Variants in ABTB3 observed in about 807,000 individuals in gnomAD.
The protein encoded by ABTB3 is ankyrin repeat and BTB domain containing 3.
the ABTB3 span, among the ~76,000 whole-genome samples, chr12:107,503,756 C>CTAAAAAAAA: frequency 1.4e-5 from 1 of 70,768 alleles, no homozygotes; most frequent in African/African-American, 6.9e-5. Context: ...GACCCTATCT[C>CTAAAAAAAA]AAAAAAAAAA....
chr12:107,515,844 T>A, the ABTB3 span, among the ~76,000 whole-genome samples: 2 of 152,158 alleles, frequency 1.3e-5, no homozygotes, highest in Non-Finnish European at 2.9e-5. Flanking sequence ...TAGCCCACAG[T>A]GTTTTCAGAC....
chr12:107,646,951 G>C, the ABTB3 span, among the ~76,000 whole-genome samples: 2 of 152,130 alleles, frequency 1.3e-5, no homozygotes, highest in Non-Finnish European at 1.5e-5. Flanking sequence ...CCTAGCAGAG[G>C]GAACAGTGTG....
the ABTB3 span, among the ~76,000 whole-genome samples, chr12:107,628,044 A>G: frequency 1.3e-5 from 2 of 151,962 alleles, no homozygotes; most frequent in African/African-American, 4.8e-5. Context: ...CCGGTAGCCC[A>G]CCCTCCACCT....
At chr12:107,533,969 GAACT>G in the ABTB3 span, among the ~76,000 whole-genome samples, 42 of 152,254 alleles carry the variant, frequency 2.8e-4, no homozygotes, top group South Asian at 2.5e-3. Flanking sequence ...CAATAACGAG[GAACT>G]TTGGAAATAC....
At chr12:107,602,502 G>T in the ABTB3 span, among the ~76,000 whole-genome samples, 1 of 152,158 alleles carries the variant, frequency 6.6e-6, no homozygotes, top group African/African-American at 2.4e-5. Context: ...TCTGCTAAGC[G>T]CTATACACGA....
the ABTB3 span, among the ~76,000 whole-genome samples, chr12:107,524,144 G>A: frequency 6.6e-6 from 1 of 152,242 alleles, no homozygotes; most frequent in African/African-American, 2.4e-5. Context: ...CTCATTGAAT[G>A]TTGACTTTTG....
At chr12:107,494,376 T>C in the ABTB3 span, among the ~76,000 whole-genome samples, 1 of 151,960 alleles carries the variant, frequency 6.6e-6, no homozygotes, top group Non-Finnish European at 1.5e-5. Context: ...CTGGGCTGAG[T>C]CTGCTGGTCA....
chr12:107,619,303 G>A, the ABTB3 span, among the ~76,000 whole-genome samples: 2 of 152,206 alleles, frequency 1.3e-5, no homozygotes, highest in African/African-American at 2.4e-5. Context: ...CATGAGAGGC[G>A]AGAGGCAAAT....
the ABTB3 span, among the ~76,000 whole-genome samples, chr12:107,606,401 G>A: frequency 6.6e-6 from 1 of 152,044 alleles, no homozygotes. Flanking sequence ...CAAGTACCTC[G>A]ATAGCTGGTA....
chr12:107,427,391 C>G, the ABTB3 span, among the ~76,000 whole-genome samples: 3 of 152,116 alleles, frequency 2.0e-5, no homozygotes, highest in Non-Finnish European at 4.4e-5. Context: ...AAACCACCCT[C>G]CCGCCTCAAC....
chr12:107,469,944 CTTTCTTTCTTTCTTT>C, the ABTB3 span, among the ~76,000 whole-genome samples: 1 of 35,602 alleles, frequency 2.8e-5, no homozygotes, highest in Non-Finnish European at 5.5e-5. Flanking sequence ...CTTTCTTTCT[CTTTCTTTCTTTCTTT>C]CTTTCTTTCT....
chr12:107,553,052 G>T, the ABTB3 span, among the ~76,000 whole-genome samples: 1 of 152,282 alleles, frequency 6.6e-6, no homozygotes, highest in South Asian at 2.1e-4. Context: ...TGACCTCAAG[G>T]CTTCAGTTTC....
the ABTB3 span, among the ~76,000 whole-genome samples, chr12:107,455,188 G>A: frequency 6.6e-6 from 1 of 152,256 alleles, no homozygotes; most frequent in African/African-American, 2.4e-5. Flanking sequence ...TTTGAATCCC[G>A]TCTCTCTGAT....
chr12:107,485,351 C>A, the ABTB3 span, among the ~76,000 whole-genome samples: 1 of 152,190 alleles, frequency 6.6e-6, no homozygotes. Context: ...CACCTCAGGA[C>A]CCCTATCCTT....
At chr12:107,469,930 C>CTT in the ABTB3 span, among the ~76,000 whole-genome samples, 1 of 99,754 alleles carries the variant, frequency 1.0e-5, no homozygotes, top group Non-Finnish European at 2.0e-5. Flanking sequence ...TTCTCTCTCT[C>CTT]TCTCTTTCTT....
At chr12:107,514,618 TA>T in the ABTB3 span, among the ~76,000 whole-genome samples, 1 of 152,208 alleles carries the variant, frequency 6.6e-6, no homozygotes, top group Non-Finnish European at 1.5e-5. Context: ...AACATGATGC[TA>T]GGACCTTCTC....
chr12:107,636,028 C>T, the ABTB3 span, among the ~76,000 whole-genome samples: 1 of 152,176 alleles, frequency 6.6e-6, no homozygotes, highest in Non-Finnish European at 1.5e-5. Flanking sequence ...TTGACCTACC[C>T]CATCTCAAGT....
the ABTB3 span, chr12:107,580,823 T>C: frequency 1.2e-5 from 18 of 1,529,684 alleles, no homozygotes; most frequent in African/African-American, 1.8e-4. Context: ...CTCATCCTTA[T>C]GTTCACATGA....
At chr12:107,408,276 TA>T in the ABTB3 span, among the ~76,000 whole-genome samples, 1 of 152,206 alleles carries the variant, frequency 6.6e-6, no homozygotes, top group Non-Finnish European at 1.5e-5. Flanking sequence ...AAAAAGTTGA[TA>T]TTGTTGGTTA....
Sources: allele counts gnomAD v4.1 joint callset (sites outside exome capture counted in the v4.1 genomes callset), GRCh38; gene constraint gnomAD v4.1.1; transcripts MANE v1.5; gene names NCBI Gene and HGNC (gene_info 2026-07-23, HGNC 2026-07-21).